FUT8: variants seen among roughly 807,000 people sequenced by gnomAD.
The protein encoded by FUT8 is fucosyltransferase 8.
Under a neutral mutation model 71.3 loss-of-function variants are expected in FUT8, and 29 were observed. The ratio of observed to expected loss-of-function variants is 0.41; its 90% confidence interval spans 0.30 to 0.55. The LOEUF is 0.55. Among genes scored for constraint, FUT8 ranks in the 20% least tolerant of loss-of-function variants. The probability of loss-of-function intolerance (pLI) is 0.34; values close to 1 mark genes in which losing one functional copy is unlikely to be tolerated. For synonymous variants in FUT8, 254 were observed against 239.3 expected, an observed-to-expected ratio of 1.06 and a Z score of -0.57; for missense variants, 544 against 702.1, an observed-to-expected ratio of 0.77 and a Z score of 2.55.
intron 9 of FUT8, among the ~76,000 whole-genome samples, chr14:65,730,361 C>T (rs1465931984): frequency 6.6e-6 from 1 of 152,130 alleles, no homozygotes; most frequent in Non-Finnish European, 1.5e-5. Flanking sequence ...TGGTATTGCA[C>T]TTCAGATTTC....
intron 2 of FUT8, among the ~76,000 whole-genome samples, chr14:65,531,885 TC>T (rs1883980367): frequency 6.6e-6 from 1 of 152,216 alleles, no homozygotes; most frequent in Non-Finnish European, 1.5e-5. Context: ...GGTTTTCTGT[TC>T]CTGCATTAGT....
At chr14:65,712,961 T>G (rs1485810433) in intron 7 of FUT8, among the ~76,000 whole-genome samples, 1 of 152,206 alleles carries the variant, frequency 6.6e-6, no homozygotes, top group African/African-American at 2.4e-5. Flanking sequence ...TAAATTATCA[T>G]TGACTGTAGT....
intron 2 of FUT8, among the ~76,000 whole-genome samples, chr14:65,513,694 C>T (rs148835174): frequency 2.0e-5 from 3 of 152,144 alleles, no homozygotes; most frequent in East Asian, 3.9e-4. Context: ...GTTAACAAAA[C>T]GACCATGAGA....
At chr14:65,611,294 CACACACA>C (rs1888976609) in intron 3 of FUT8, among the ~76,000 whole-genome samples, 4 of 47,410 alleles carry the variant, frequency 8.4e-5, no homozygotes, top group East Asian at 1.0e-3. Context: ...CACACACACA[CACACACA>C]CCCCCCAAGT....
At chr14:65,522,314 T>G (rs1277033258) in intron 2 of FUT8, among the ~76,000 whole-genome samples, 1 of 152,208 alleles carries the variant, frequency 6.6e-6, no homozygotes, top group Non-Finnish European at 1.5e-5. Context: ...CCATAAACAT[T>G]TTCTCATTAA....
chr14:65,665,182 G>A (rs1404516606), intron 6 of FUT8, among the ~76,000 whole-genome samples: 2 of 151,986 alleles, frequency 1.3e-5, no homozygotes, highest in Non-Finnish European at 2.9e-5. Context: ...TCTACTCAGT[G>A]GCTTTTACTT....
At chr14:65,729,954 G>A (rs927416572) in intron 9 of FUT8, among the ~76,000 whole-genome samples, 9 of 151,456 alleles carry the variant, frequency 5.9e-5, no homozygotes, top group Admixed American at 2.0e-4. Context: ...GTCGTTTCTC[G>A]GGGATTTAAA....
At chr14:65,698,644 T>C (rs992143196) in intron 7 of FUT8, among the ~76,000 whole-genome samples, 5 of 152,230 alleles carry the variant, frequency 3.3e-5, no homozygotes, top group African/African-American at 1.2e-4. Flanking sequence ...CTGTGGCATT[T>C]GCAAATCTCA....
chr14:65,626,819 TATAA>T (rs1336529653), intron 5 of FUT8, among the ~76,000 whole-genome samples: 2 of 152,244 alleles, frequency 1.3e-5, no homozygotes, highest in South Asian at 2.1e-4. Context: ...TTTCTGACAA[TATAA>T]ATACATTTCT....
rs1394929086 is a variant in FUT8, at chr14:65,722,122, A to G, written c.1082+101A>G. The G allele has an allele frequency of 4.3e-6, 6 of 1,397,986 alleles. 1 individual carries two copies. Among genetic ancestry groups the G allele is most frequent in the East Asian group, 4.6e-5 (2 of 43,720 alleles). The allele number at this position is 1,397,986 out of a possible 1,614,324, so 86.6% of individuals were successfully genotyped here. A position where few individuals can be genotyped will look rare whatever the true frequency, so the allele number is the denominator to read the frequency against. On this transcript the variant is annotated intron_variant, in intron 8 of 10. Transcript: ENST00000673929. Reference sequence around the variant, plus strand: ...TTTTACAATATGTAGTTCAATTTTTATAGTCCCACCAAAGGACAGAGGTTC... The same window carrying G: ...TTTTACAATATGTAGTTCAATTTTTGTAGTCCCACCAAAGGACAGAGGTTC...
At chr14:65,455,328 G>T (rs2065881523) in intron 1 of FUT8, among the ~76,000 whole-genome samples, 1 of 152,272 alleles carries the variant, frequency 6.6e-6, no homozygotes, top group South Asian at 2.1e-4. Context: ...CAAAGTTAAA[G>T]AATTTTATAT....
intron 7 of FUT8, among the ~76,000 whole-genome samples, chr14:65,704,362 A>G (rs760316431): frequency 6.6e-5 from 10 of 152,064 alleles, no homozygotes; most frequent in East Asian, 1.9e-4. Flanking sequence ...AAATAGGGCA[A>G]TGGAGGAAAG....
chr14:65,457,372 A>G (rs1174668403), intron 2 of FUT8, among the ~76,000 whole-genome samples: 6 of 152,194 alleles, frequency 3.9e-5, no homozygotes. Flanking sequence ...CATTTTGAGT[A>G]TAGAAAGAGA....
chr14:65,436,279 A>G (rs897341721), intron 1 of FUT8, among the ~76,000 whole-genome samples: 3 of 152,044 alleles, frequency 2.0e-5, no homozygotes, highest in African/African-American at 7.3e-5. Context: ...CCCTGTCTCA[A>G]AACAACAACA....
intron 9 of FUT8, among the ~76,000 whole-genome samples, chr14:65,724,550 C>T (rs1031040743): frequency 2.0e-5 from 3 of 152,194 alleles, no homozygotes; most frequent in Non-Finnish European, 2.9e-5. Flanking sequence ...GGACCACTGA[C>T]TTACGCATTG....
At chr14:65,531,022 AT>A (rs1039917765) in intron 2 of FUT8, among the ~76,000 whole-genome samples, 2 of 149,986 alleles carry the variant, frequency 1.3e-5, no homozygotes, top group Admixed American at 1.3e-4. Context: ...CTGTTGAGAT[AT>A]AGTAAAATAT....
chr14:65,431,775 T>G (rs2065480805), intron 1 of FUT8, among the ~76,000 whole-genome samples: 1 of 152,172 alleles, frequency 6.6e-6, no homozygotes, highest in Non-Finnish European at 1.5e-5. Context: ...GTCAGGGATA[T>G]GCAATATGCC....
chr14:65,642,756 A>G (rs1427596138), intron 6 of FUT8, among the ~76,000 whole-genome samples: 5 of 151,922 alleles, frequency 3.3e-5, no homozygotes, highest in Admixed American at 2.6e-4. Flanking sequence ...AATTTTGTTC[A>G]TTATATGTTC....
chr14:65,551,040 G>A (rs897981485), intron 2 of FUT8, among the ~76,000 whole-genome samples: 31 of 152,096 alleles, frequency 2.0e-4, no homozygotes, highest in African/African-American at 7.0e-4. Flanking sequence ...ATATAATGCC[G>A]TATTACCCTT....
Sources: gnomAD v4.1 joint callset for allele counts (sites outside exome capture counted in the v4.1 genomes callset) on GRCh38, gnomAD v4.1.1 for gene constraint, MANE v1.5 for transcripts, NCBI Gene and HGNC (gene_info 2026-07-23, HGNC 2026-07-21) for gene names.